Variants in DNM3 observed in about 807,000 individuals in gnomAD.
DNM3 encodes dynamin 3, also known as dynamin-3.
Under a neutral mutation model 101.6 loss-of-function variants are expected in DNM3, and 47 were observed. The observed-to-expected ratio is 0.46, with a 90% CI of 0.37 to 0.59. The LOEUF is 0.59. DNM3 is among the 20% of genes least tolerant of loss of function. The pLI is 0.00. For missense variants in DNM3, 849 were observed against 1,085.7 expected, an observed-to-expected ratio of 0.78 and a Z score of 3.06; for synonymous variants, 385 against 387.9, an observed-to-expected ratio of 0.99 and a Z score of 0.09.
At chr1:172,029,728 G>T (rs1052631605) in intron 4 of DNM3, among the ~76,000 whole-genome samples, 3 of 152,140 alleles carry the variant, frequency 2.0e-5, no homozygotes, top group Non-Finnish European at 4.4e-5. Flanking sequence ...CAAAATCAAT[G>T]TGCAAAAATC....
chr1:172,132,824 C>T (rs2057011631), intron 14 of DNM3: 1 of 727,138 alleles, frequency 1.4e-6, no homozygotes, highest in Admixed American at 2.1e-5. Flanking sequence ...GATGAGAAAA[C>T]TAAAAATAAA....
In DNM3 at chr1:172,313,298, G is replaced by A. The variant is rs557445837; in HGVS notation, c.1881+4459G>A. Among the ~76,000 whole-genome samples the A allele has an allele frequency of 2.4e-4, 37 of 152,210 alleles. 1 individual carries two copies. Among genetic ancestry groups the A allele is most frequent in the South Asian group, 2.1e-3 (10 of 4,822 alleles). On this transcript the variant is annotated intron_variant, in intron 16 of 20. Transcript: ENST00000627582. ...TACAATCAGTCTGTATTGTGTGTGC[G>A]TATGTATCAGTGGTAAGAGGCTATG... is the stretch of plus-strand genomic sequence containing the variant.
chr1:172,278,467 G>A (rs774358260), intron 15 of DNM3, among the ~76,000 whole-genome samples: 6 of 152,104 alleles, frequency 3.9e-5, no homozygotes, highest in South Asian at 4.1e-4. Context: ...GAAAGTTTAC[G>A]AATTCATGTT....
intron 14 of DNM3, among the ~76,000 whole-genome samples, chr1:172,225,404 G>T (rs1369297906): frequency 6.6e-6 from 1 of 151,564 alleles, no homozygotes; most frequent in East Asian, 1.9e-4. Flanking sequence ...CAAAGTGCTG[G>T]GATTACAGGC....
At chr1:171,975,160 GTTTTGCTT>G (rs939384148) in intron 2 of DNM3, among the ~76,000 whole-genome samples, 2 of 151,996 alleles carry the variant, frequency 1.3e-5, no homozygotes, top group African/African-American at 4.8e-5. Context: ...CCTGGCCATT[GTTTTGCTT>G]TTTAAAAAAC....
intron 14 of DNM3, among the ~76,000 whole-genome samples, chr1:172,222,481 T>G (rs2060944060): frequency 6.6e-6 from 1 of 152,038 alleles, no homozygotes; most frequent in South Asian, 2.1e-4. Flanking sequence ...AGGAAGGTGA[T>G]TATAGAGAAC....
intron 2 of DNM3, among the ~76,000 whole-genome samples, chr1:171,968,211 T>TATGAGG (rs2043728517): frequency 6.6e-6 from 1 of 152,230 alleles, no homozygotes; most frequent in African/African-American, 2.4e-5. Context: ...AGGCTTCTAA[T>TATGAGG]CAGTATGATT....
chr1:172,132,882 A>C, intron 14 of DNM3: 2 of 881,218 alleles, frequency 2.3e-6, no homozygotes, highest in Non-Finnish European at 3.7e-6. Context: ...TATTTTCCTT[A>C]TTGCAGAACA....
intron 13 of DNM3, among the ~76,000 whole-genome samples, chr1:172,097,893 G>A (rs1483897572): frequency 2.6e-5 from 4 of 152,040 alleles, no homozygotes; most frequent in Admixed American, 6.6e-5. Flanking sequence ...CCCCTGAGCC[G>A]TAAAACCAGC....
chr1:172,341,820 T>A (rs1389783280), intron 17 of DNM3, among the ~76,000 whole-genome samples: 2 of 152,076 alleles, frequency 1.3e-5, no homozygotes, highest in African/African-American at 4.8e-5. Context: ...CATAGGAATT[T>A]GCAAATATTT....
chr1:172,247,576 G>T lies in DNM3; in HGVS notation c.1660-5997G>T, dbSNP rs141480081. ...AAAAAATTAATTTGGTGCCATTAGT[G>T]CATATTTAAAAAACATATTTGGTGC... is the stretch of plus-strand genomic sequence containing the variant. On this transcript the variant is annotated intron_variant, in intron 14 of 20. Transcript: ENST00000627582. Among the ~76,000 whole-genome samples, 36 of 151,886 alleles carry T rather than the reference G, an allele frequency of 2.4e-4. No homozygotes were observed. In the East Asian group the frequency reaches 6.4e-3, roughly 27 times the overall value.
intron 14 of DNM3, among the ~76,000 whole-genome samples, chr1:172,154,879 G>A (rs1358319065): frequency 6.6e-6 from 1 of 152,028 alleles, no homozygotes; most frequent in Non-Finnish European, 1.5e-5. Context: ...AAGGAAGCAA[G>A]AAAAGGCTCT....
At chr1:171,857,391 A>G (rs1052464692) in intron 1 of DNM3, among the ~76,000 whole-genome samples, 6 of 152,160 alleles carry the variant, frequency 3.9e-5, no homozygotes, top group Non-Finnish European at 7.4e-5. Flanking sequence ...CAGAGAGGGA[A>G]TAAAAAATAA....
At chr1:172,149,050 T>A (rs1439954491) in intron 14 of DNM3, among the ~76,000 whole-genome samples, 1 of 152,166 alleles carries the variant, frequency 6.6e-6, no homozygotes, top group East Asian at 1.9e-4. Flanking sequence ...AAGCTATAAA[T>A]CATAAACTTA....
intron 17 of DNM3, among the ~76,000 whole-genome samples, chr1:172,329,127 T>A (rs1310360585): frequency 6.6e-6 from 1 of 152,104 alleles, no homozygotes; most frequent in Non-Finnish European, 1.5e-5. Flanking sequence ...TCAGAATCAT[T>A]GCAGTAGGGA....
Position 171,841,530 on chromosome 1 carries a change from A to T in DNM3, c.-127A>T. ...AGCGGCGGGCTGGCGGCGGGCTCCG[A>T]CGTCTGCGCCAGGACCTGGCTGGCT... On this transcript the variant is annotated 5_prime_UTR_variant, in exon 1 of 21. Coordinates refer to ENST00000627582, the MANE Select transcript of DNM3 (RefSeq NM_015569.5). 7.6e-7 allele frequency: 1 copy of T among 1,323,680 alleles called. No homozygotes were observed. Among genetic ancestry groups the T allele is most frequent in the East Asian group, 2.9e-5 (1 of 34,712 alleles). 82.0% of individuals were successfully genotyped at this position (1,323,680 alleles called of 1,614,324 possible).
At chr1:171,973,565 A>C (rs1046523575) in intron 2 of DNM3, among the ~76,000 whole-genome samples, 3 of 152,064 alleles carry the variant, frequency 2.0e-5, no homozygotes, top group African/African-American at 7.2e-5. Context: ...TATGAAAGAG[A>C]CACTATTTTG....
intron 4 of DNM3, among the ~76,000 whole-genome samples, chr1:172,020,478 T>C (rs969413926): frequency 2.0e-5 from 3 of 151,904 alleles, no homozygotes; most frequent in Non-Finnish European, 4.4e-5. Flanking sequence ...CCCAGCACTT[T>C]GGGAGGCTGA....
At chr1:172,253,727 A>T in intron 15 of DNM3, 45 bp downstream of exon 15, 1 of 1,326,412 alleles carries the variant, frequency 7.5e-7, no homozygotes. Flanking sequence ...TTTTCCTTGA[A>T]GTTCTACATG....
Sources: gnomAD v4.1 joint callset for allele counts (sites outside exome capture counted in the v4.1 genomes callset) on GRCh38, gnomAD v4.1.1 for gene constraint, MANE v1.5 for transcripts, NCBI Gene and HGNC (gene_info 2026-07-23, HGNC 2026-07-21) for gene names.